PARD3: variants seen among roughly 807,000 people sequenced by gnomAD.
PARD3 encodes partitioning defective 3 homolog.
A neutral mutation model predicts 155.4 loss-of-function variants in PARD3; 75 were observed. The ratio of observed to expected loss-of-function variants is 0.48; its 90% CI spans 0.40 to 0.58. The LOEUF is 0.58. Ranked by LOEUF, PARD3 falls within the 20% of genes least tolerant of loss-of-function variation. PARD3 has a pLI of 0.00. For missense variants in PARD3, 1,642 were observed against 1,721.7 expected (o/e 0.95, Z 0.82); for synonymous variants, 576 against 610.5 (o/e 0.94, Z 0.83).
chr10:34,217,638 G>A (rs1308106615), intron 22 of PARD3, among the ~76,000 whole-genome samples: 1 of 152,124 alleles, frequency 6.6e-6, no homozygotes, highest in South Asian at 2.1e-4. Context: ...ACAAAGCAGT[G>A]CATGAGGAGA....
At chr10:34,211,167 T>A (rs2133399367) in intron 22 of PARD3, among the ~76,000 whole-genome samples, 1 of 152,340 alleles carries the variant, frequency 6.6e-6, no homozygotes, top group Non-Finnish European at 1.5e-5. Context: ...GACCCTTCAT[T>A]CTTGCATTTC....
At chr10:34,794,093 C>T (rs1841983233) in intron 1 of PARD3, among the ~76,000 whole-genome samples, 1 of 151,982 alleles carries the variant, frequency 6.6e-6, no homozygotes, top group African/African-American at 2.4e-5. Flanking sequence ...CAAAGAGACA[C>T]TCCCACAGTC....
chr10:34,447,143 C>G (rs2076780252), intron 5 of PARD3, among the ~76,000 whole-genome samples: 1 of 152,002 alleles, frequency 6.6e-6, no homozygotes, highest in Admixed American at 6.6e-5. Flanking sequence ...AAATCAAAAG[C>G]AAGGTAGGAC....
At chr10:34,772,813 A>G (rs973218213) in intron 1 of PARD3, among the ~76,000 whole-genome samples, 1 of 151,802 alleles carries the variant, frequency 6.6e-6, no homozygotes, top group East Asian at 1.9e-4. Context: ...AAAAAAAAAA[A>G]AAACTATTTC....
At chr10:34,354,417 G>A (rs1428577803) in intron 14 of PARD3, among the ~76,000 whole-genome samples, 2 of 151,588 alleles carry the variant, frequency 1.3e-5, no homozygotes, top group Admixed American at 1.3e-4. Context: ...GTTGCTCTTC[G>A]TCATTCAGCC....
intron 22 of PARD3, among the ~76,000 whole-genome samples, chr10:34,200,021 G>T (rs1951137699): frequency 6.6e-6 from 1 of 152,210 alleles, no homozygotes; most frequent in African/African-American, 2.4e-5. Context: ...GGTAAGTGAA[G>T]ATCATGGTCA....
chr10:34,298,716 G>A (rs1161750243), intron 20 of PARD3, among the ~76,000 whole-genome samples: 14 of 152,114 alleles, frequency 9.2e-5, no homozygotes, highest in Admixed American at 4.6e-4. Context: ...TGAACTAAAC[G>A]GCTTAAAAAT....
chr10:34,650,209 G>A (rs11009846), intron 2 of PARD3, among the ~76,000 whole-genome samples: 2,604 of 152,288 alleles, frequency 0.017, 72 homozygotes, highest in African/African-American at 0.06. Flanking sequence ...CATGCACCGT[G>A]CACAACTGTA....
At chr10:34,357,581 A>C (rs1003263452) in intron 14 of PARD3, among the ~76,000 whole-genome samples, 4 of 152,198 alleles carry the variant, frequency 2.6e-5, no homozygotes, top group Admixed American at 1.3e-4. Context: ...TGATTTTGCA[A>C]TGAGTAAAAA....
At chr10:34,501,617 T>C (rs899249930) in intron 3 of PARD3, among the ~76,000 whole-genome samples, 2 of 152,194 alleles carry the variant, frequency 1.3e-5, no homozygotes, top group African/African-American at 2.4e-5. Flanking sequence ...CAGATGCTCA[T>C]TTCATATTAT....
In PARD3 at chr10:34,542,821, T is replaced by C. The variant is rs185658623; in HGVS notation, c.223-25662A>G. Among the ~76,000 whole-genome samples the C allele has an allele frequency of 3.9e-3, 601 of 152,352 alleles. 2 individuals are homozygous for C. Among genetic ancestry groups the C allele is most frequent in the Non-Finnish European group, 7.6e-3 (517 of 68,024 alleles). ...AGATGGAACAAGGCATCATCATTTA[T>C]ACATCACTTACCAGAAAATGATACA... On this transcript the variant is annotated intron_variant, in intron 2 of 24. Coordinates refer to ENST00000374788, the MANE Select transcript of PARD3 (RefSeq NM_001184785.2).
chr10:34,129,306 C>T (rs989032768), intron 23 of PARD3, among the ~76,000 whole-genome samples: 1 of 152,114 alleles, frequency 6.6e-6, no homozygotes, highest in Admixed American at 6.5e-5. Context: ...GCATGTGCCA[C>T]CAGGACTGGA....
chr10:34,328,044 G>A (rs1175931504), intron 19 of PARD3, among the ~76,000 whole-genome samples: 1 of 152,158 alleles, frequency 6.6e-6, no homozygotes, highest in Non-Finnish European at 1.5e-5. Flanking sequence ...CCGAAGGAGG[G>A]CTAACTGAGC....
chr10:34,346,319 G>A, intron 15 of PARD3: 1 of 1,263,992 alleles, frequency 7.9e-7, no homozygotes, highest in Non-Finnish European at 1.0e-6. Context: ...GCTGAATTTA[G>A]GGATTTTTTT....
chr10:34,737,495 A>G (rs2094936570), intron 1 of PARD3, among the ~76,000 whole-genome samples: 1 of 152,210 alleles, frequency 6.6e-6, no homozygotes, highest in South Asian at 2.1e-4. Context: ...CCCTCCCACA[A>G]TGAGCATTCT....
chr10:34,402,021 T>C (rs1843940502), intron 5 of PARD3, 104 bp from the exon 6 acceptor site: 2 of 883,552 alleles, frequency 2.3e-6, no homozygotes, highest in Non-Finnish European at 3.8e-6. Context: ...ATTATGATCT[T>C]GGTAACTGTT....
chr10:34,814,666 G>C (rs1844673628), intron 1 of PARD3, among the ~76,000 whole-genome samples: 1 of 151,836 alleles, frequency 6.6e-6, no homozygotes, highest in Non-Finnish European at 1.5e-5. Flanking sequence ...CGCGGGACCC[G>C]GCTGGGTGTC....
At chr10:34,341,209 A>G (rs965730495) in intron 16 of PARD3, among the ~76,000 whole-genome samples, 8 of 152,152 alleles carry the variant, frequency 5.3e-5, no homozygotes, top group South Asian at 2.1e-4. Flanking sequence ...AACACTTTAA[A>G]AAAAGCCTCC....
At chr10:34,290,903 A>G (rs1956646068) in intron 20 of PARD3, among the ~76,000 whole-genome samples, 2 of 152,162 alleles carry the variant, frequency 1.3e-5, no homozygotes, top group Admixed American at 6.6e-5. Context: ...CTGTGTCTCA[A>G]TCCAGTTCTC....
Sources: gnomAD v4.1 joint callset for allele counts (sites outside exome capture counted in the v4.1 genomes callset) on GRCh38, gnomAD v4.1.1 for gene constraint, MANE v1.5 for transcripts, NCBI Gene and HGNC (gene_info 2026-07-23, HGNC 2026-07-21) for gene names.